The following ACTR5 variants were observed in gnomAD, a reference collection of about 807,000 sequenced individuals.
ACTR5 encodes actin-related protein 5.
In ACTR5, 43 loss-of-function variants were observed where a neutral mutation model predicts 61.2. That is an observed-to-expected ratio of 0.70 (90% CI 0.55 to 0.91). ACTR5 has a LOEUF of 0.91. Among genes scored for constraint, ACTR5 ranks in the 40% least tolerant of loss-of-function variants. The pLI, the probability that ACTR5 is intolerant of heterozygous loss-of-function variation, is 0.00. For synonymous variants in ACTR5, 333 were observed against 310.5 expected, an observed-to-expected ratio of 1.07 and a Z score of -0.76; for missense variants, 798 against 782.2, an observed-to-expected ratio of 1.02 and a Z score of -0.24.
At chr20:38,751,698 G>A (rs2084388018) in intron 2 of ACTR5, among the ~76,000 whole-genome samples, 1 of 152,186 alleles carries the variant, frequency 6.6e-6, no homozygotes, top group South Asian at 2.1e-4. Context: ...AGTAGATGTG[G>A]AGTGTTAAGG....
In ACTR5 at chr20:38,748,658, G is replaced by C. The variant is rs758137076; in HGVS notation, c.180G>C (p.Gln60His). The change falls in exon 1 of 9, where the codon CAG (glutamine) becomes CAC (histidine). Residue 60 changes from glutamine (Q) to histidine (H), a missense_variant. Coordinates refer to ENST00000243903, the MANE Select transcript of ACTR5 (RefSeq NM_024855.4). The stretch of plus-strand genomic sequence containing the variant: ...ACCCAGGTCCCGAGCCGCGCCTGCA[G>C]TTCCGCGCGGTGTGCGCCCGCGGTC... Reference protein sequence around the residue: ...GQDPGPEPRLQFRAVCARGRG... With the variant: ...GQDPGPEPRLHFRAVCARGRG... 1 of 1,517,810 alleles carries C rather than the reference G, an allele frequency of 6.6e-7. No individual in the cohort carries two copies. Among genetic ancestry groups the C allele is most frequent in the Non-Finnish European group, 8.8e-7 (1 of 1,135,584 alleles). 94.0% of individuals were successfully genotyped at this position (1,517,810 alleles called of 1,614,324 possible). A position where few individuals can be genotyped will look rare whatever the true frequency, so the allele number is the denominator to read the frequency against.
chr20:38,752,048 T>G, intron 2 of ACTR5, 83 bp from the exon 3 acceptor site: 3 of 1,469,836 alleles, frequency 2.0e-6, no homozygotes, highest in Non-Finnish European at 2.8e-6. Flanking sequence ...TTTATCTGCC[T>G]TAAATTATCT....
At chr20:38,749,876 A>G (rs2084375974) in intron 1 of ACTR5, 134 bp from the exon 2 acceptor site, 2 of 662,650 alleles carry the variant, frequency 3.0e-6, no homozygotes, top group East Asian at 2.7e-5. Context: ...GAGTTTTATA[A>G]TCGCCTCTGA....
At chr20:38,755,243 A>G (rs2084413101) in intron 4 of ACTR5, 69 bp downstream of exon 4, 3 of 1,451,482 alleles carry the variant, frequency 2.1e-6, no homozygotes, top group Admixed American at 2.6e-5. Flanking sequence ...TTTCTTGCAT[A>G]TTTTTCCATT....
chr20:38,755,642 A>G (rs1030247499), intron 4 of ACTR5, among the ~76,000 whole-genome samples: 2 of 151,254 alleles, frequency 1.3e-5, no homozygotes, highest in Admixed American at 6.6e-5. Flanking sequence ...ATCTGTCACC[A>G]TCATTAGTTT....
intron 5 of ACTR5, among the ~76,000 whole-genome samples, chr20:38,758,561 C>T (rs6128904): frequency 0.17 from 25,914 of 151,636 alleles, 2,172 homozygotes; most frequent in Admixed American, 0.19. Context: ...GCAGGAGAAT[C>T]GCTTGAACCC....
At chr20:38,758,428 C>T (rs2084433229) in intron 5 of ACTR5, among the ~76,000 whole-genome samples, 1 of 152,142 alleles carries the variant, frequency 6.6e-6, no homozygotes, top group Non-Finnish European at 1.5e-5. Context: ...GGGTGGATCA[C>T]CTGAGGTCAG....
chr20:38,752,692 T>C lies in ACTR5; in HGVS notation c.775+392T>C, dbSNP rs117998927. Reference sequence around the variant, plus strand: ...TTCTTTTCAAACTTGTCTTGGACTTTTGGTTGTATTTTACTTCAAATTAAA... The same window carrying C: ...TTCTTTTCAAACTTGTCTTGGACTTCTGGTTGTATTTTACTTCAAATTAAA... On this transcript the variant is annotated intron_variant, in intron 3 of 8. Coordinates refer to ENST00000243903, the MANE Select transcript of ACTR5 (RefSeq NM_024855.4). 3.7e-3 allele frequency among the ~76,000 whole-genome samples: 568 copies of C among 152,380 alleles called. 3 individuals carry two copies. The highest frequency in any genetic ancestry group is 6.1e-3 in the Admixed American group (93 of 15,308).
chr20:38,758,216 A>T (rs1279340811), intron 5 of ACTR5, among the ~76,000 whole-genome samples: 1 of 152,166 alleles, frequency 6.6e-6, no homozygotes, highest in African/African-American at 2.4e-5. Flanking sequence ...TTCATCACCC[A>T]TTCCCCCATT....
intron 7 of ACTR5, 24 bp downstream of exon 7, chr20:38,766,401 C>G (rs746229102): frequency 1.3e-6 from 2 of 1,559,558 alleles, no homozygotes; most frequent in Admixed American, 4.2e-5. Context: ...TCTGCTTTTC[C>G]TTCTATCTTC....
chr20:38,763,585 C>G (rs531750620), intron 5 of ACTR5, among the ~76,000 whole-genome samples: 1 of 152,222 alleles, frequency 6.6e-6, no homozygotes, highest in Non-Finnish European at 1.5e-5. Flanking sequence ...AGAACTCCAG[C>G]TTAAGGCAGA....
chr20:38,764,245 T>C (rs2084472177), intron 5 of ACTR5, among the ~76,000 whole-genome samples: 1 of 152,204 alleles, frequency 6.6e-6, no homozygotes, highest in Non-Finnish European at 1.5e-5. Flanking sequence ...CAGTCTCCTC[T>C]CAAGCATACT....
At chr20:38,757,665 T>C (rs1376673107) in intron 5 of ACTR5, among the ~76,000 whole-genome samples, 1 of 151,790 alleles carries the variant, frequency 6.6e-6, no homozygotes, top group Non-Finnish European at 1.5e-5. Flanking sequence ...AGTGATGGGC[T>C]CCCAGCTGGA....
rs779862363 is a variant in ACTR5 at position 38,748,661 on chromosome 20, C to G, written c.183C>G (p.Phe61Leu). 1.3e-6 allele frequency: 2 copies of G among 1,518,074 alleles called. No individual in the cohort carries two copies. Among genetic ancestry groups the G allele is most frequent in the African/African-American group, 2.9e-5 (2 of 69,116 alleles). 94.0% of individuals were successfully genotyped at this position (1,518,074 alleles called of 1,614,324 possible). A position where few individuals can be genotyped will look rare whatever the true frequency, so the allele number is the denominator to read the frequency against. ...QDPGPEPRLQFRAVCARGRGG... is the reference protein window; with the variant it reads ...QDPGPEPRLQLRAVCARGRGG... ...CAGGTCCCGAGCCGCGCCTGCAGTTCCGCGCGGTGTGCGCCCGCGGTCGTG... is the reference window on the plus strand; with the variant it reads ...CAGGTCCCGAGCCGCGCCTGCAGTTGCGCGCGGTGTGCGCCCGCGGTCGTG... Residue 61 changes from phenylalanine to leucine, a missense_variant, in exon 1 of 9, where the codon TTC becomes TTG. Transcript: ENST00000243903.
chr20:38,756,912 A>G (rs1374782929), intron 5 of ACTR5, among the ~76,000 whole-genome samples: 1 of 152,174 alleles, frequency 6.6e-6, no homozygotes. Context: ...CTCAAAAAAA[A>G]TAAATAAATA....
In ACTR5 at chr20:38,758,367, C is replaced by T. The variant is rs538588839; in HGVS notation, c.1176+2328C>T. 2.0e-5 allele frequency among the ~76,000 whole-genome samples: 3 copies of T among 152,260 alleles called. 1 individual carries two copies. Among genetic ancestry groups the T allele is most frequent in the East Asian group, 3.9e-4 (2 of 5,184 alleles). On this transcript the variant is annotated intron_variant, in intron 5 of 8. Coordinates refer to ENST00000243903, the MANE Select transcript of ACTR5 (RefSeq NM_024855.4). ...GCAACAAATTTGATGATCAGTTGGG[C>T]CGGGCACGGTGGCTCACGCCTGTAA...
At position 38,767,468 on chromosome 20, in the gene ACTR5, C is replaced by T. The variant is rs761668229; in HGVS notation, c.1438C>T (p.Pro480Ser). ...ETLQYILDRY[P>S]KDIQEMLVQN... ...TAGGAGTTGTTTCTTTCCTAGGTAC[C>T]CAAAGGACATTCAGGAAATGCTGGT... Residue 480 changes from proline to serine, a missense_variant, in exon 8 of 9, where the codon CCA becomes TCA. Physicochemically the swap from Pro to Ser is moderately conservative, Grantham distance 74 (BLOSUM62 -1). Coordinates refer to ENST00000243903, the MANE Select transcript of ACTR5 (RefSeq NM_024855.4). 4.3e-6 allele frequency: 7 copies of T among 1,613,420 alleles called. No homozygotes were observed. In the Admixed American group the frequency reaches 1.2e-4, roughly 27 times the overall value.
At chr20:38,767,365 A>T in intron 7 of ACTR5, 99 bp from the exon 8 acceptor site, 1 of 1,057,290 alleles carries the variant, frequency 9.5e-7, no homozygotes, top group Non-Finnish European at 1.3e-6. Flanking sequence ...TTTTGTGTAG[A>T]AGTTTTTCTG....
chr20:38,764,287 C>T (rs2145674590), intron 5 of ACTR5, among the ~76,000 whole-genome samples: 1 of 152,254 alleles, frequency 6.6e-6, no homozygotes, highest in South Asian at 2.1e-4. Flanking sequence ...TGAACCCTCC[C>T]AAGACACTAC....
Sources: allele counts gnomAD v4.1 joint callset (sites outside exome capture counted in the v4.1 genomes callset), GRCh38; gene constraint gnomAD v4.1.1; transcripts MANE v1.5; gene names NCBI Gene and HGNC (gene_info 2026-07-23, HGNC 2026-07-21).